The following BMPR1B variants were observed in gnomAD, a reference collection of about 807,000 sequenced individuals.
BMPR1B encodes the protein bone morphogenetic protein receptor type 1B, also known as bone morphogenetic protein receptor type-1B.
A neutral mutation model predicts 59.1 loss-of-function variants in BMPR1B; 12 were observed. That is an observed-to-expected ratio of 0.20 (90% CI 0.13 to 0.33). The LOEUF (loss-of-function observed/expected upper bound fraction) is 0.33. Among genes scored for constraint, BMPR1B ranks in the 10% least tolerant of loss-of-function variants. The pLI is 1.00. For missense variants in BMPR1B, 550 were observed against 610.9 expected (o/e 0.90, Z 1.05); for synonymous variants, 237 against 207.3 (o/e 1.14, Z -1.23).
intron 1 of BMPR1B, among the ~76,000 whole-genome samples, chr4:94,845,859 T>C (rs1365526659): frequency 1.3e-5 from 2 of 152,224 alleles, no homozygotes; most frequent in Non-Finnish European, 2.9e-5. Flanking sequence ...GAAAGTGTTA[T>C]TATTTTGGCA....
chr4:94,974,664 C>A lies in BMPR1B; in HGVS notation c.-112-21376C>A, dbSNP rs947936764. On this transcript the variant is annotated intron_variant, in intron 2 of 12. Coordinates refer to ENST00000515059, the MANE Select transcript of BMPR1B (RefSeq NM_001203.3). ...CACTTAATTGTTTTATTTTATAATT[C>A]TTTTTTTTCGCTAATTAGGTTAGTC... is the stretch of plus-strand genomic sequence containing the variant. Among the ~76,000 whole-genome samples, 3 of 152,040 alleles carry A rather than the reference C, an allele frequency of 2.0e-5. No individual in the cohort carries two copies. The East Asian group carries it at 5.8e-4, about 29-fold the overall frequency.
intron 3 of BMPR1B, among the ~76,000 whole-genome samples, chr4:95,040,045 T>G (rs1725540476): frequency 6.6e-6 from 1 of 152,230 alleles, no homozygotes; most frequent in Admixed American, 6.5e-5. Context: ...CAGCTAAGTC[T>G]ACTACTAAAT....
At chr4:94,783,687 CTT>C (rs1560482664) in intron 1 of BMPR1B, among the ~76,000 whole-genome samples, 1 of 151,920 alleles carries the variant, frequency 6.6e-6, no homozygotes, top group African/African-American at 2.4e-5. Flanking sequence ...GGTATGGAAA[CTT>C]TGCACTATGA....
At chr4:94,851,823 G>A (rs561584342) in intron 1 of BMPR1B, among the ~76,000 whole-genome samples, 2 of 152,174 alleles carry the variant, frequency 1.3e-5, no homozygotes, top group African/African-American at 4.8e-5. Context: ...GGAACCACAA[G>A]CATACATATA....
chr4:95,020,577 CAAAAAA>C (rs10549500), intron 3 of BMPR1B, among the ~76,000 whole-genome samples: 3 of 123,744 alleles, frequency 2.4e-5, no homozygotes, highest in Non-Finnish European at 3.5e-5. Flanking sequence ...GACTCCATCT[CAAAAAA>C]AAAAAAAAAA....
At chr4:94,978,846 C>G (rs1731125635) in intron 2 of BMPR1B, among the ~76,000 whole-genome samples, 1 of 151,934 alleles carries the variant, frequency 6.6e-6, no homozygotes, top group African/African-American at 2.4e-5. Flanking sequence ...AATGAACTCA[C>G]GGTTCCACAT....
intron 2 of BMPR1B, among the ~76,000 whole-genome samples, chr4:94,922,759 A>G (rs1728750465): frequency 6.6e-6 from 1 of 152,156 alleles, no homozygotes; most frequent in Non-Finnish European, 1.5e-5. Flanking sequence ...TTTATTCTGA[A>G]TAAGAATCAA....
intron 3 of BMPR1B, among the ~76,000 whole-genome samples, chr4:95,041,905 A>T (rs1725682746): frequency 6.6e-6 from 1 of 151,894 alleles, no homozygotes; most frequent in Non-Finnish European, 1.5e-5. Flanking sequence ...CCCAGGCTGT[A>T]GTGCAGTGGT....
intron 3 of BMPR1B, among the ~76,000 whole-genome samples, chr4:95,069,979 A>G (rs1297958704): frequency 3.3e-5 from 5 of 152,148 alleles, no homozygotes; most frequent in South Asian, 2.1e-4. Context: ...CATGCCTGTA[A>G]TCCCAGCTAC....
intron 1 of BMPR1B, among the ~76,000 whole-genome samples, chr4:94,823,794 C>T (rs908136380): frequency 6.6e-6 from 1 of 151,726 alleles, no homozygotes; most frequent in African/African-American, 2.4e-5. Flanking sequence ...GTCGCCCAGG[C>T]TGCAGTGCAG....
intron 10 of BMPR1B, among the ~76,000 whole-genome samples, chr4:95,131,826 A>G (rs568215217): frequency 6.6e-6 from 1 of 152,356 alleles, no homozygotes; most frequent in African/African-American, 2.4e-5. Context: ...CAAGTAGGAA[A>G]AAGTTTTGGG....
At chr4:95,153,229 A>G (rs1735181991) in intron 12 of BMPR1B, among the ~76,000 whole-genome samples, 1 of 152,168 alleles carries the variant, frequency 6.6e-6, no homozygotes, top group Non-Finnish European at 1.5e-5. Context: ...GTCTTTGTTA[A>G]TAAGGATGAC....
intron 1 of BMPR1B, among the ~76,000 whole-genome samples, chr4:94,840,457 A>G (rs1396744216): frequency 1.4e-5 from 2 of 146,824 alleles, no homozygotes; most frequent in Non-Finnish European, 1.5e-5. Flanking sequence ...GGCTTTGCTC[A>G]TTTCTTTTTA....
At position 95,158,105 on chromosome 4, in the gene BMPR1B, G is replaced by A. The variant is rs1330988162; in HGVS notation, c.*3432G>A. Reference sequence around the variant, plus strand: ...AGTTTTTTAAACTTGAACATGTTCAGTAGTTACATTGCCTTAGAAAACCCA... The same window carrying A: ...AGTTTTTTAAACTTGAACATGTTCAATAGTTACATTGCCTTAGAAAACCCA... On this transcript the variant is annotated 3_prime_UTR_variant, in exon 13 of 13. Coordinates refer to ENST00000515059, the MANE Select transcript of BMPR1B (RefSeq NM_001203.3). 2 of 152,160 alleles carry A rather than the reference G, an allele frequency of 1.3e-5. No homozygotes were observed. Among genetic ancestry groups the A allele is most frequent in the East Asian group, 1.9e-4 (1 of 5,202 alleles). 9.4% of individuals were successfully genotyped at this position (152,160 alleles called of 1,614,324 possible).
intron 2 of BMPR1B, among the ~76,000 whole-genome samples, chr4:94,921,561 A>T (rs1251755167): frequency 2.0e-5 from 3 of 152,072 alleles, no homozygotes; most frequent in Non-Finnish European, 4.4e-5. Context: ...GGTACTCCAC[A>T]CTTTTAAACA....
At position 94,845,000 on chromosome 4, in the gene BMPR1B, T is replaced by C. The variant is rs554582733; in HGVS notation, c.-182-30831T>C. Among the ~76,000 whole-genome samples the C allele has an allele frequency of 3.3e-5, 5 of 152,324 alleles. 1 individual carries two copies. The South Asian group carries it at 1.0e-3, about 32-fold the overall frequency. Reference sequence around the variant, plus strand: ...AGAGGAAAAATTAAATTAGTAATACTGCTGGTTCTTCTGGTTTAGCTTCTT... The same window carrying C: ...AGAGGAAAAATTAAATTAGTAATACCGCTGGTTCTTCTGGTTTAGCTTCTT... On this transcript the variant is annotated intron_variant, in intron 1 of 12. Transcript: ENST00000515059.
chr4:95,025,963 A>G (rs918767902), intron 3 of BMPR1B, among the ~76,000 whole-genome samples: 1 of 152,194 alleles, frequency 6.6e-6, no homozygotes, highest in Non-Finnish European at 1.5e-5. Context: ...TAGCACTGGC[A>G]TAGATTTACA....
chr4:94,868,809 A>G (rs1322951503), intron 1 of BMPR1B, among the ~76,000 whole-genome samples: 1 of 152,234 alleles, frequency 6.6e-6, no homozygotes, highest in Non-Finnish European at 1.5e-5. Flanking sequence ...GTGTTTACCT[A>G]GTCACTTTAA....
intron 2 of BMPR1B, among the ~76,000 whole-genome samples, chr4:94,959,881 A>T (rs1251922066): frequency 1.3e-5 from 2 of 152,186 alleles, no homozygotes; most frequent in Non-Finnish European, 2.9e-5. Context: ...AAAGTAAAAA[A>T]TTAAAAGGTC....
Sources: gnomAD v4.1 joint callset for allele counts (sites outside exome capture counted in the v4.1 genomes callset) on GRCh38, gnomAD v4.1.1 for gene constraint, MANE v1.5 for transcripts, NCBI Gene and HGNC (gene_info 2026-07-23, HGNC 2026-07-21) for gene names.